Variants in CAMTA1 observed in about 807,000 individuals in gnomAD.
CAMTA1 encodes calmodulin-binding transcription activator 1.
A neutral mutation model predicts 170.9 loss-of-function variants in CAMTA1; 27 were observed. The ratio of observed to expected loss-of-function variants is 0.16; its 90% CI spans 0.12 to 0.22. The LOEUF (loss-of-function observed/expected upper bound fraction) is 0.22. CAMTA1 is among the 10% of genes least tolerant of loss of function. The pLI is 1.00. For missense variants in CAMTA1, 1,619 were observed against 2,217.2 expected (o/e 0.73, Z 5.42); for synonymous variants, 833 against 891.5 (o/e 0.93, Z 1.17).
At chr1:6,945,520 T>C (rs969110340) in intron 3 of CAMTA1, among the ~76,000 whole-genome samples, 1 of 151,980 alleles carries the variant, frequency 6.6e-6, no homozygotes, top group Non-Finnish European at 1.5e-5. Flanking sequence ...GGATAATTTT[T>C]GTATTTTTTG....
At position 6,968,201 on chromosome 1, in the gene CAMTA1, C is replaced by T. The variant is rs185480804; in HGVS notation, c.235-123103C>T. On this transcript the variant is annotated intron_variant, in intron 3 of 22. Transcript: ENST00000303635. ...CTGTCCGCTTGGTGTGCCGAGAAAA[C>T]GGCTCTTAATGTGGCCCCGGGTGTG... Among the ~76,000 whole-genome samples the T allele has an allele frequency of 4.6e-5, 7 of 152,274 alleles. No homozygotes were observed. In the East Asian group the frequency reaches 5.8e-4, roughly 13 times the overall value.
chr1:7,104,973 T>A (rs1037920771), intron 4 of CAMTA1, among the ~76,000 whole-genome samples: 3 of 152,232 alleles, frequency 2.0e-5, no homozygotes, highest in African/African-American at 7.2e-5. Context: ...TTGGTTCTGC[T>A]CCTTCTAGAA....
Position 7,487,087 on chromosome 1 carries a change from A to G in CAMTA1, c.510+19186A>G, listed in dbSNP as rs114621864. ...ATACACGGCACATAGTAGATGCTCA[A>G]TGAGCACAGATGCTCCTGATAGGAG... On this transcript the variant is annotated intron_variant, in intron 6 of 22. Transcript: ENST00000303635. Among the ~76,000 whole-genome samples, 1,093 of 152,358 alleles carry G rather than the reference A, an allele frequency of 7.2e-3. 15 individuals carry two copies. The highest frequency in any genetic ancestry group is 0.024 in the African/African-American group (1,003 of 41,586).
chr1:7,604,508 G>T (rs373417662), intron 6 of CAMTA1, among the ~76,000 whole-genome samples: 2 of 151,998 alleles, frequency 1.3e-5, no homozygotes, highest in African/African-American at 4.8e-5. Context: ...ACATAGTTCT[G>T]AGGCCGTGGT....
chr1:7,452,250 C>T (rs1270541906), intron 5 of CAMTA1, among the ~76,000 whole-genome samples: 1 of 152,212 alleles, frequency 6.6e-6, no homozygotes, highest in Non-Finnish European at 1.5e-5. Flanking sequence ...TCTCCAGGCC[C>T]CCCTCCGCCC....
At chr1:7,431,536 G>T (rs1455707798) in intron 5 of CAMTA1, among the ~76,000 whole-genome samples, 1 of 151,684 alleles carries the variant, frequency 6.6e-6, no homozygotes, top group Non-Finnish European at 1.5e-5. Context: ...TCCACACTGG[G>T]CAGCCCCACT....
intron 5 of CAMTA1, among the ~76,000 whole-genome samples, chr1:7,296,162 G>A (rs888491879): frequency 4.6e-5 from 7 of 152,218 alleles, no homozygotes; most frequent in Non-Finnish European, 8.8e-5. Flanking sequence ...GTGAGCAAGT[G>A]AGAAGAGCCA....
intron 5 of CAMTA1, among the ~76,000 whole-genome samples, chr1:7,375,316 A>G (rs2086761408): frequency 1.3e-5 from 2 of 152,124 alleles, no homozygotes; most frequent in South Asian, 4.1e-4. Flanking sequence ...CTTCCAACCA[A>G]ATAACAAGGA....
At position 7,119,617 on chromosome 1, in the gene CAMTA1, G is replaced by T. The variant is rs1644529944; in HGVS notation, c.302+28246G>T. The stretch of plus-strand genomic sequence containing the variant: ...TGCGATCTCTCTTCTGGGCTAATTG[G>T]TGGGTAGAGTGGGCAGGATGAGGAA... On this transcript the variant is annotated intron_variant, in intron 4 of 22. Coordinates refer to ENST00000303635, the MANE Select transcript of CAMTA1 (RefSeq NM_015215.4). Among the ~76,000 whole-genome samples the T allele has an allele frequency of 3.3e-5, 5 of 152,178 alleles. 1 individual carries two copies. In the South Asian group the frequency reaches 1.0e-3, roughly 32 times the overall value.
At chr1:7,089,415 G>T (rs1487936718) in intron 3 of CAMTA1, among the ~76,000 whole-genome samples, 1 of 152,118 alleles carries the variant, frequency 6.6e-6, no homozygotes, top group African/African-American at 2.4e-5. Flanking sequence ...TTTTAGTCAG[G>T]AACTGCTGCA....
intron 6 of CAMTA1, among the ~76,000 whole-genome samples, chr1:7,545,751 T>C (rs2094683305): frequency 6.6e-6 from 1 of 152,118 alleles, no homozygotes; most frequent in Admixed American, 6.5e-5. Flanking sequence ...TAGGTAGACA[T>C]GTGCCATGGT....
intron 1 of CAMTA1, among the ~76,000 whole-genome samples, chr1:6,807,400 A>T (rs915535238): frequency 6.6e-6 from 1 of 152,124 alleles, no homozygotes; most frequent in African/African-American, 2.4e-5. Flanking sequence ...ATTTTTATTT[A>T]CAGATACTTA....
At chr1:7,619,901 C>T (rs901650092) in intron 6 of CAMTA1, among the ~76,000 whole-genome samples, 4 of 152,126 alleles carry the variant, frequency 2.6e-5, no homozygotes, top group African/African-American at 4.8e-5. Flanking sequence ...CCGCCTGCCT[C>T]GGGAGAAATG....
chr1:7,284,274 G>A (rs1194703290), intron 5 of CAMTA1, among the ~76,000 whole-genome samples: 1 of 150,506 alleles, frequency 6.6e-6, no homozygotes, highest in Non-Finnish European at 1.5e-5. Context: ...CGTAATCTTG[G>A]CTCACTGCAA....
intron 6 of CAMTA1, among the ~76,000 whole-genome samples, chr1:7,618,386 A>C (rs2095574424): frequency 6.6e-6 from 1 of 152,004 alleles, no homozygotes; most frequent in South Asian, 2.1e-4. Context: ...CTCTTTTCCC[A>C]ATTCTATGCC....
intron 5 of CAMTA1, among the ~76,000 whole-genome samples, chr1:7,363,789 C>T (rs1427929549): frequency 6.6e-6 from 1 of 152,190 alleles, no homozygotes; most frequent in Non-Finnish European, 1.5e-5. Flanking sequence ...CTGTGGTTAG[C>T]TGGCCAGGTG....
intron 16 of CAMTA1, among the ~76,000 whole-genome samples, chr1:7,740,065 A>G (rs748164322): frequency 6.6e-6 from 1 of 152,162 alleles, no homozygotes; most frequent in Non-Finnish European, 1.5e-5. Context: ...CTACCACAAC[A>G]CATGGGAATT....
At chr1:7,410,953 GTA>G (rs2090681452) in intron 5 of CAMTA1, among the ~76,000 whole-genome samples, 1 of 151,852 alleles carries the variant, frequency 6.6e-6, no homozygotes, top group East Asian at 1.9e-4. Context: ...GTATATGTGT[GTA>G]TGTCTGTGTG....
chr1:7,198,042 A>G (rs1161619225), intron 4 of CAMTA1, among the ~76,000 whole-genome samples: 2 of 152,098 alleles, frequency 1.3e-5, no homozygotes, highest in African/African-American at 2.4e-5. Flanking sequence ...GTTCTGTTAG[A>G]CATGGACATT....
Sources: allele counts gnomAD v4.1 joint callset (sites outside exome capture counted in the v4.1 genomes callset), GRCh38; gene constraint gnomAD v4.1.1; transcripts MANE v1.5; gene names NCBI Gene and HGNC (gene_info 2026-07-23, HGNC 2026-07-21).